RAD51B: variants seen among roughly 807,000 people sequenced by gnomAD.
RAD51B encodes DNA repair protein RAD51 homolog 2.
A neutral mutation model predicts 42.2 loss-of-function variants in RAD51B; 38 were observed. The observed-to-expected ratio is 0.90, with a 90% CI of 0.70 to 1.18. The LOEUF (loss-of-function observed/expected upper bound fraction) is 1.18, where lower values mean the gene tolerates loss of function less well. RAD51B is among the 50% of genes most tolerant of loss of function. The probability of loss-of-function intolerance (pLI) is 0.00; values close to 1 mark genes in which losing one functional copy is unlikely to be tolerated. For missense variants in RAD51B, 373 were observed against 400.7 expected, an observed-to-expected ratio of 0.93 and a Z score of 0.59; for synonymous variants, 154 against 145.2, an observed-to-expected ratio of 1.06 and a Z score of -0.43.
chr14:68,563,230 C>T, intron 10 of RAD51B: 1 of 985,410 alleles, frequency 1.0e-6, no homozygotes, highest in Non-Finnish European at 1.2e-6. Flanking sequence ...TCTCTCATTG[C>T]CACATCATTA....
intron 8 of RAD51B, among the ~76,000 whole-genome samples, chr14:68,400,619 G>C (rs1470941216): frequency 1.3e-5 from 2 of 152,198 alleles, no homozygotes; most frequent in African/African-American, 2.4e-5. Flanking sequence ...ACAGCTGAAA[G>C]GTGTGGTCTG....
At chr14:68,298,858 G>A (rs2139682593) in intron 8 of RAD51B, among the ~76,000 whole-genome samples, 1 of 152,232 alleles carries the variant, frequency 6.6e-6, no homozygotes, top group African/African-American at 2.4e-5. Flanking sequence ...AAGAATGGCT[G>A]GATTTTAGGG....
At chr14:68,333,876 A>T (rs1395783099) in intron 8 of RAD51B, among the ~76,000 whole-genome samples, 1 of 151,982 alleles carries the variant, frequency 6.6e-6, no homozygotes, top group African/African-American at 2.4e-5. Flanking sequence ...CTTGAAATTT[A>T]TTCCTCTTGT....
chr14:68,042,642 G>A (rs892601242), intron 7 of RAD51B, among the ~76,000 whole-genome samples: 2 of 151,966 alleles, frequency 1.3e-5, no homozygotes, highest in Non-Finnish European at 2.9e-5. Flanking sequence ...GTTTCCTTGA[G>A]AAAAGGAGCG....
chr14:68,131,317 T>C (rs2077885526), intron 7 of RAD51B, among the ~76,000 whole-genome samples: 1 of 152,248 alleles, frequency 6.6e-6, no homozygotes, highest in Non-Finnish European at 1.5e-5. Flanking sequence ...TTTAGTTGTC[T>C]ATAAAATCAA....
chr14:67,925,961 G>T (rs1484656194), intron 7 of RAD51B, among the ~76,000 whole-genome samples: 1 of 152,112 alleles, frequency 6.6e-6, no homozygotes, highest in African/African-American at 2.4e-5. Context: ...AGCCTGGGCC[G>T]CACACAGCAC....
At chr14:68,373,471 G>T (rs1458769799) in intron 8 of RAD51B, among the ~76,000 whole-genome samples, 1 of 152,140 alleles carries the variant, frequency 6.6e-6, no homozygotes, top group East Asian at 1.9e-4. Context: ...CCTTTTCAGG[G>T]ACATGGATGA....
At chr14:68,616,166 G>C (rs554808591), downstream of RAD51B, among the ~76,000 whole-genome samples, 1 of 152,078 alleles carries the variant, frequency 6.6e-6, no homozygotes, top group South Asian at 2.1e-4. Flanking sequence ...ATATTTTAAA[G>C]AAATTTTTAA....
chr14:68,576,659 C>T (rs376059523), intron 10 of RAD51B, among the ~76,000 whole-genome samples: 11 of 152,270 alleles, frequency 7.2e-5, no homozygotes, highest in African/African-American at 2.6e-4. Context: ...GGGTATGAGT[C>T]ATCTTTGCCT....
intron 10 of RAD51B, among the ~76,000 whole-genome samples, chr14:68,518,923 A>G (rs1415911544): frequency 1.3e-5 from 2 of 152,208 alleles, no homozygotes; most frequent in Non-Finnish European, 2.9e-5. Context: ...TCTGGACCAA[A>G]CAGTGGCCCT....
intron 10 of RAD51B, among the ~76,000 whole-genome samples, chr14:68,561,652 G>C (rs1889155371): frequency 6.6e-6 from 1 of 152,186 alleles, no homozygotes; most frequent in Admixed American, 6.5e-5. Flanking sequence ...GTTCCACGTG[G>C]CAACGCTGCT....
chr14:67,981,062 A>G (rs1247090626), intron 7 of RAD51B, among the ~76,000 whole-genome samples: 3 of 152,190 alleles, frequency 2.0e-5, no homozygotes, highest in Non-Finnish European at 4.4e-5. Flanking sequence ...CAAAAGGTAG[A>G]CATCGGATAG....
intron 7 of RAD51B, among the ~76,000 whole-genome samples, chr14:68,147,804 T>A (rs200855780): frequency 1.4e-5 from 2 of 145,160 alleles, no homozygotes; most frequent in Non-Finnish European, 3.0e-5. Flanking sequence ...CAAGGGAAAT[T>A]AAAAAAAAAA....
intron 7 of RAD51B, among the ~76,000 whole-genome samples, chr14:68,093,651 G>C (rs1336578459): frequency 6.6e-6 from 1 of 152,008 alleles, no homozygotes; most frequent in African/African-American, 2.4e-5. Flanking sequence ...CAAAAAACCA[G>C]CTCCTGGATT....
At chr14:68,315,523 T>C (rs1030929858) in intron 8 of RAD51B, among the ~76,000 whole-genome samples, 2 of 152,122 alleles carry the variant, frequency 1.3e-5, no homozygotes, top group Non-Finnish European at 2.9e-5. Flanking sequence ...AGGTTTTTTT[T>C]CTTTTTTTCT....
At chr14:68,222,920 G>A (rs1394867680) in intron 7 of RAD51B, among the ~76,000 whole-genome samples, 1 of 151,880 alleles carries the variant, frequency 6.6e-6, no homozygotes, top group African/African-American at 2.4e-5. Context: ...TTATTCCTGC[G>A]GATGCACACA....
rs149822027 is a variant in RAD51B at position 68,211,994 on chromosome 14, A to G, written c.757-79890A>G. Among the ~76,000 whole-genome samples, 967 of 152,330 alleles carry G rather than the reference A, an allele frequency of 6.3e-3. 3 individuals carry two copies. The highest frequency in any genetic ancestry group is 0.014 in the Middle Eastern group (4 of 294). On this transcript the variant is annotated intron_variant, in intron 7 of 10. Coordinates refer to ENST00000471583, the MANE Select transcript of RAD51B (RefSeq NM_133510.4). The stretch of plus-strand genomic sequence containing the variant: ...GGAAAAATGCTCTGGTCAGATTGTT[A>G]TGGTCTGTATGACAGATACATAACT...
At chr14:67,930,010 AT>A (rs1188337414) in intron 7 of RAD51B, among the ~76,000 whole-genome samples, 1 of 151,140 alleles carries the variant, frequency 6.6e-6, no homozygotes, top group African/African-American at 2.4e-5. Context: ...AAGTGTAGGT[AT>A]TTCTGCTCAC....
intron 7 of RAD51B, among the ~76,000 whole-genome samples, chr14:68,005,555 T>A (rs1306888983): frequency 6.6e-6 from 1 of 152,210 alleles, no homozygotes; most frequent in African/African-American, 2.4e-5. Flanking sequence ...TTACCAGCAG[T>A]GTTGGAGTAC....
Sources: gnomAD v4.1 joint callset for allele counts (sites outside exome capture counted in the v4.1 genomes callset) on GRCh38, gnomAD v4.1.1 for gene constraint, MANE v1.5 for transcripts, NCBI Gene and HGNC (gene_info 2026-07-23, HGNC 2026-07-21) for gene names.